DOCK2: variants seen among roughly 807,000 people sequenced by gnomAD.
DOCK2 encodes dedicator of cytokinesis protein 2.
In DOCK2, 87 loss-of-function variants were observed where a neutral mutation model predicts 248.9. That is an observed-to-expected ratio of 0.35 (90% CI 0.29 to 0.42). The LOEUF is 0.42. DOCK2 is among the 10% of genes least tolerant of loss of function. The probability of loss-of-function intolerance (pLI) is 1.00; values close to 1 mark genes in which losing one functional copy is unlikely to be tolerated. For missense variants in DOCK2, 1,747 were observed against 2,300.2 expected (o/e 0.76, Z 4.92); for synonymous variants, 805 against 821.6 (o/e 0.98, Z 0.35).
At chr5:169,812,911 C>A (rs1203789282) in intron 26 of DOCK2, among the ~76,000 whole-genome samples, 1 of 152,282 alleles carries the variant, frequency 6.6e-6, no homozygotes, top group Admixed American at 6.5e-5. Flanking sequence ...GCCCTGGTGG[C>A]AGCCAGATGG....
At chr5:169,750,082 A>G (rs2113698626) in intron 23 of DOCK2, among the ~76,000 whole-genome samples, 2 of 152,348 alleles carry the variant, frequency 1.3e-5, no homozygotes, top group South Asian at 4.1e-4. Context: ...CTGAAGTGTG[A>G]AAGAGCAGAA....
chr5:169,771,164 C>T (rs1457659898), intron 25 of DOCK2, among the ~76,000 whole-genome samples: 3 of 152,250 alleles, frequency 2.0e-5, no homozygotes, highest in Non-Finnish European at 4.4e-5. Flanking sequence ...TAGACTACAT[C>T]ATCACTGTCT....
chr5:169,715,945 C>A (rs1178953518), intron 19 of DOCK2, among the ~76,000 whole-genome samples: 2 of 152,166 alleles, frequency 1.3e-5, no homozygotes, highest in African/African-American at 4.8e-5. Context: ...CTCATTTCTG[C>A]CTGTGGAAGT....
intron 33 of DOCK2, among the ~76,000 whole-genome samples, chr5:170,025,790 C>CCTT (rs1755885327): frequency 3.5e-4 from 24 of 67,616 alleles, no homozygotes; most frequent in Middle Eastern, 8.8e-3. Context: ...CTCCTTCCCT[C>CCTT]CCTTCCTTCC....
At chr5:169,986,201 A>G (rs1158049352) in intron 29 of DOCK2, among the ~76,000 whole-genome samples, 1 of 152,230 alleles carries the variant, frequency 6.6e-6, no homozygotes, top group Non-Finnish European at 1.5e-5. Flanking sequence ...ATCTTAGAAA[A>G]GCATTTTAAA....
chr5:169,783,479 T>G (rs1650865), intron 25 of DOCK2, among the ~76,000 whole-genome samples: 23,876 of 152,184 alleles, frequency 0.16, 1,959 homozygotes, highest in Non-Finnish European at 0.18. Context: ...ATGTGAATAT[T>G]AAATAACAAT....
At position 169,695,931 on chromosome 5, in the gene DOCK2, G is replaced by A. The variant is rs757457405; in HGVS notation, c.972G>A (p.Gly324=). The A allele has an allele frequency of 1.4e-5, 22 of 1,601,630 alleles. No homozygotes were observed. Among genetic ancestry groups the A allele is most frequent in the Non-Finnish European group, 1.9e-5 (22 of 1,174,256 alleles). The part of the protein sequence containing the change: ...KCTQGLRRPF[G]VAVMDITDII... ...CGCAGGGACTGAGGAGGCCCTTTGG[G>A]GTGGCAGGTAAGGGGCACACTCTGC... Residue 324 remains glycine (G), a synonymous_variant, in exon 10 of 52, where the codon GGG becomes GGA. Coordinates refer to ENST00000520908, the MANE Select transcript of DOCK2 (RefSeq NM_004946.3).
chr5:169,997,988 T>C (rs966964395), intron 30 of DOCK2: 2 of 456,318 alleles, frequency 4.4e-6, no homozygotes, highest in East Asian at 1.4e-4. Flanking sequence ...TTTCCAGAAC[T>C]GGAATGTGAC....
At chr5:169,766,407 C>G (rs1038093320) in intron 25 of DOCK2, among the ~76,000 whole-genome samples, 2 of 152,146 alleles carry the variant, frequency 1.3e-5, no homozygotes, top group Non-Finnish European at 2.9e-5. Context: ...TGATTTTAAT[C>G]TTTTTTATGG....
chr5:169,863,277 G>A (rs1771318600), intron 27 of DOCK2, among the ~76,000 whole-genome samples: 1 of 152,104 alleles, frequency 6.6e-6, no homozygotes, highest in Non-Finnish European at 1.5e-5. Flanking sequence ...AAGGGAGACT[G>A]TGTCGATTAA....
At chr5:169,987,149 C>G (rs368284223) in intron 29 of DOCK2, among the ~76,000 whole-genome samples, 4 of 152,176 alleles carry the variant, frequency 2.6e-5, no homozygotes, top group Non-Finnish European at 5.9e-5. Context: ...GGCAGATGCT[C>G]TCTTAGTGGG....
At chr5:170,041,928 G>A (rs1756531857) in intron 37 of DOCK2, 85 bp from the exon 38 acceptor site, 6 of 1,493,824 alleles carry the variant, frequency 4.0e-6, no homozygotes, top group Middle Eastern at 2.4e-4. Context: ...TGTTGGCAGG[G>A]TGGTTCCTGC....
rs761338376 is a variant in DOCK2, at chr5:169,763,887, A to G, written c.2554+2262A>G. ...ATGTGAAAGTCGTATGACCTTATTCACAGCTGAAAGGTAACTCCTCTCCCA... is the reference window on the plus strand; with the variant it reads ...ATGTGAAAGTCGTATGACCTTATTCGCAGCTGAAAGGTAACTCCTCTCCCA... On this transcript the variant is annotated intron_variant, in intron 25 of 51. Coordinates refer to ENST00000520908, the MANE Select transcript of DOCK2 (RefSeq NM_004946.3). This position sits in a 1 kb window ranked among gnomAD's most constrained non-coding sequence, Gnocchi z 4.1. Among the ~76,000 whole-genome samples the G allele has an allele frequency of 6.6e-6, 1 of 152,222 alleles. No individual in the cohort carries two copies. The highest frequency in any genetic ancestry group is 1.5e-5 in the Non-Finnish European group (1 of 68,042).
chr5:169,930,261 A>G (rs1163505307), intron 27 of DOCK2, among the ~76,000 whole-genome samples: 1 of 152,184 alleles, frequency 6.6e-6, no homozygotes, highest in Non-Finnish European at 1.5e-5. Flanking sequence ...AAGTGCTGGG[A>G]TTACAGGCTT....
chr5:169,988,594 C>A (rs1204799342), intron 29 of DOCK2, among the ~76,000 whole-genome samples: 2 of 152,018 alleles, frequency 1.3e-5, no homozygotes, highest in Admixed American at 6.6e-5. Flanking sequence ...CTCACTGCAA[C>A]CTCCGCCTCC....
chr5:170,056,995 G>T, intron 43 of DOCK2: 1 of 505,836 alleles, frequency 2.0e-6, no homozygotes, highest in African/African-American at 1.9e-5. Flanking sequence ...TCATGTCAGA[G>T]GCACTTTTTC....
At chr5:169,842,995 G>T (rs4867895) in intron 27 of DOCK2, among the ~76,000 whole-genome samples, 25,561 of 152,054 alleles carry the variant, frequency 0.17, 2,407 homozygotes, top group African/African-American at 0.24. Context: ...CCTACCAAAT[G>T]AAGTCATAAA....
At chr5:169,868,072 G>C (rs1395233458) in intron 27 of DOCK2, among the ~76,000 whole-genome samples, 1 of 152,180 alleles carries the variant, frequency 6.6e-6, no homozygotes, top group Non-Finnish European at 1.5e-5. Context: ...GAGCCAAAGA[G>C]AGTGGGTACC....
At position 170,027,966 on chromosome 5, in the gene DOCK2, T is replaced by C. The variant is rs771914837; in HGVS notation, c.3467+18T>C. 3 of 1,606,360 alleles carry C rather than the reference T, an allele frequency of 1.9e-6. No individual in the cohort carries two copies. Among genetic ancestry groups the C allele is most frequent in the Non-Finnish European group, 2.6e-6 (3 of 1,175,660 alleles). On this transcript the variant is annotated intron_variant, in intron 34 of 51. Coordinates refer to ENST00000520908, the MANE Select transcript of DOCK2 (RefSeq NM_004946.3). ...GAGTCAATGTAAGTTCAGTGCCCTG[T>C]GTGTAGGAACAGCCTGTGAAGGTCA...
Sources: allele counts gnomAD v4.1 joint callset (sites outside exome capture counted in the v4.1 genomes callset), GRCh38; gene constraint gnomAD v4.1.1; non-coding constraint Gnocchi (gnomAD v3.1); transcripts MANE v1.5; gene names NCBI Gene and HGNC (gene_info 2026-07-23, HGNC 2026-07-21).